MUC21: variants seen among roughly 807,000 people sequenced by gnomAD.
MUC21 encodes mucin-21.
Under a neutral mutation model 9.1 loss-of-function variants are expected in MUC21, and 8 were observed. The observed-to-expected ratio is 0.88, with a 90% CI of 0.52 to 1.59. The LOEUF (loss-of-function observed/expected upper bound fraction) is 1.59. Ranked by LOEUF, MUC21 falls within the 40% of genes most tolerant of loss-of-function variation. The pLI, the probability that MUC21 is intolerant of heterozygous loss-of-function variation, is 0.00. For missense variants in MUC21, 478 were observed against 694.2 expected, an observed-to-expected ratio of 0.69 and a Z score of 3.50; for synonymous variants, 189 against 275.2, an observed-to-expected ratio of 0.69 and a Z score of 3.10.
In MUC21 at chr6:30,986,735, C is replaced by T. The variant is rs1762309411; in HGVS notation, c.560C>T (p.Thr187Ile). The part of the protein sequence containing the change: ...ASTATNSESS[T>I]VSSRASTATN... ...ACAGCCACCAACTCTGAGTCCAGCA[C>T]AGTGTCCAGTAGGGCCAGCACTGCC... The change falls in exon 2 of 3, where the codon ACA (threonine) becomes ATA (isoleucine). Residue 187 changes from threonine (T) to isoleucine (I), a missense_variant. Thr to Ile is a moderately conservative substitution (Grantham distance 89). Transcript: ENST00000376296. The T allele has an allele frequency of 6.3e-7, 1 of 1,578,000 alleles. No individual in the cohort carries two copies. Among genetic ancestry groups the T allele is most frequent in the Non-Finnish European group, 8.6e-7 (1 of 1,158,492 alleles).
At chr6:30,985,021 A>AAATAC (rs1762191021) in intron 1 of MUC21, among the ~76,000 whole-genome samples, 1 of 151,644 alleles carries the variant, frequency 6.6e-6, no homozygotes, top group South Asian at 2.1e-4. Context: ...AAATAAAATA[A>AAATAC]AATAAAATAA....
intron 1 of MUC21, among the ~76,000 whole-genome samples, chr6:30,984,428 T>C (rs2248481): frequency 0.15 from 22,545 of 152,060 alleles, 1,759 homozygotes; most frequent in Admixed American, 0.2. Flanking sequence ...CCCAGCACTT[T>C]GGGAGGGTGA....
Position 30,987,539 on chromosome 6 carries a change from T to C in MUC21, c.1364T>C (p.Met455Thr), listed in dbSNP as rs372314907. ...TCTGGAACAGCAGCTCTGACTGGAA[T>C]GCACACAACTTCCCATAGTGCATCT... ...AGSGTAALTG[M>T]HTTSHSASTA... The change falls in exon 2 of 3, where the codon ATG becomes ACG. Residue 455 changes from methionine to threonine, a missense_variant. By Grantham distance (81) the Met-to-Thr change is moderately conservative. Transcript: ENST00000376296. The C allele has an allele frequency of 3.7e-6, 6 of 1,614,134 alleles. No individual in the cohort carries two copies. In the African/African-American group the frequency reaches 6.7e-5, roughly 18 times the overall value.
rs775056260 is a variant in MUC21 at position 30,988,113 on chromosome 6, C to T, written c.1620C>T (p.Pro540=). Reference sequence around the variant, plus strand: ...GGAATCATGGAGCCCCCCACAGGCCCAGGTGGAGTCCTAACTGGTTCTGGA... The same window carrying T: ...GGAATCATGGAGCCCCCCACAGGCCTAGGTGGAGTCCTAACTGGTTCTGGA... ...PGGNHGAPHR[P]RWSPNWFWRR... is the part of the protein sequence containing the mutation. Residue 540 remains proline, a synonymous_variant, in exon 3 of 3, where the codon CCC becomes CCT. Coordinates refer to ENST00000376296, the MANE Select transcript of MUC21 (RefSeq NM_001010909.5). The T allele has an allele frequency of 6.2e-7, 1 of 1,613,000 alleles. No individual in the cohort carries two copies. The highest frequency in any genetic ancestry group is 1.1e-5 in the South Asian group (1 of 91,076).
Position 30,987,170 on chromosome 6 carries a change from A to T in MUC21, c.995A>T (p.Asn332Ile). The T allele has an allele frequency of 6.3e-7, 1 of 1,599,708 alleles. No homozygotes were observed. Among genetic ancestry groups the T allele is most frequent in the South Asian group, 1.1e-5 (1 of 90,494 alleles). The part of the protein sequence containing the change: ...TTSSGASTAT[N>I]SESSTTSSGA... The stretch of plus-strand genomic sequence containing the variant: ...TCCAGTGGGGCCAGCACAGCCACCA[A>T]CTCTGAGTCCAGCACGACCTCCAGT... The change falls in exon 2 of 3, where the codon AAC (asparagine) becomes ATC (isoleucine). Residue 332 changes from asparagine to isoleucine, a missense_variant. Physicochemically the swap from Asn to Ile is moderately radical, Grantham distance 149. This residue lies in a region of MUC21 where 155 missense variants were observed against 235.2 expected (regional missense o/e 0.66). Transcript: ENST00000376296.
rs954739518 is a variant in MUC21 at position 30,989,863 on chromosome 6, T to C, written c.*1669T>C. 5 of 152,244 alleles carry C rather than the reference T, an allele frequency of 3.3e-5. No homozygotes were observed. Among genetic ancestry groups the C allele is most frequent in the African/African-American group, 9.6e-5 (4 of 41,460 alleles). 9.4% of individuals were successfully genotyped at this position (152,244 alleles called of 1,614,324 possible). A position where few individuals can be genotyped will look rare whatever the true frequency, so the allele number is the denominator to read the frequency against. On this transcript the variant is annotated 3_prime_UTR_variant, in exon 3 of 3. Coordinates refer to ENST00000376296, the MANE Select transcript of MUC21 (RefSeq NM_001010909.5). ...ATCTTGTGGCCACCTCAGACATCAC[T>C]TCTCTTTGGAAGACTCCATTAAATA...
rs370927564 is a variant in MUC21 at position 30,986,271 on chromosome 6, C to T, written c.96C>T (p.Asn32=). The change falls in exon 2 of 3, where the codon AAC becomes AAT. Residue 32 remains asparagine (N), a synonymous_variant. Transcript: ENST00000376296. ...TNSNETSTSA[N]TGSSVISSGA... ...CCAATGAGACTAGCACCTCTGCCAA[C>T]ACTGGATCCAGTGTGATCTCCAGTG... 1.3e-4 allele frequency: 212 copies of T among 1,614,038 alleles called. No homozygotes were observed. The highest frequency in any genetic ancestry group is 3.3e-4 in the Middle Eastern group (2 of 6,062).
chr6:30,985,955 G>C (rs1401665564), intron 1 of MUC21, among the ~76,000 whole-genome samples: 1 of 152,026 alleles, frequency 6.6e-6, no homozygotes, highest in African/African-American at 2.4e-5. Flanking sequence ...AGTAGAGATG[G>C]GGTTTCTCCA....
In MUC21 at chr6:30,989,472, C is replaced by G. The variant is rs1299346111; in HGVS notation, c.*1278C>G. The G allele has an allele frequency of 2.0e-5, 3 of 152,124 alleles. No individual in the cohort carries two copies. Among genetic ancestry groups the G allele is most frequent in the East Asian group, 3.9e-4 (2 of 5,190 alleles). The allele number at this position is 152,124 out of a possible 1,614,324, so 9.4% of individuals were successfully genotyped here. ...GACTACAGTTTCGTGTGCCACCATG[C>G]CTGGCTAATTTTTAGAATTTTTTGT... On this transcript the variant is annotated 3_prime_UTR_variant, in exon 3 of 3. Transcript: ENST00000376296.
chr6:30,983,983 C>T lies in MUC21; in HGVS notation c.25C>T (p.Leu9Phe), dbSNP rs1762146908. The change falls in exon 1 of 3, where the codon CTC becomes TTC. Residue 9 changes from leucine (L) to phenylalanine (F), a missense_variant. By Grantham distance (22) the Leu-to-Phe change is conservative. Around this residue, in one of 5 missense-constraint regions of MUC21, gnomAD observed 110 missense variants for 108.3 expected, o/e 1.02. Coordinates refer to ENST00000376296, the MANE Select transcript of MUC21 (RefSeq NM_001010909.5). ...GATGAAGATGCAGAAAGGAAATGTT[C>T]TCCTTATGTTTGGTCTACTATTGCA... MKMQKGNV[L>F]LMFGLLLHLE... is the part of the protein sequence containing the mutation. 5.1e-6 allele frequency: 4 copies of T among 779,868 alleles called. No homozygotes were observed. The highest frequency in any genetic ancestry group is 9.6e-6 in the Non-Finnish European group (4 of 418,090). 48.3% of individuals were successfully genotyped at this position (779,868 alleles called of 1,614,324 possible).
At chr6:30,984,669 C>T (rs1470544560) in intron 1 of MUC21, among the ~76,000 whole-genome samples, 2 of 151,320 alleles carry the variant, frequency 1.3e-5, no homozygotes, top group African/African-American at 4.9e-5. Context: ...GACTCTGTCT[C>T]AAAAAAATAA....
chr6:30,988,253 C>G lies in MUC21; in HGVS notation c.*59C>G. 1.3e-6 allele frequency: 2 copies of G among 1,495,886 alleles called. No homozygotes were observed. Among genetic ancestry groups the G allele is most frequent in the Non-Finnish European group, 1.8e-6 (2 of 1,117,098 alleles). The allele number at this position is 1,495,886 out of a possible 1,614,324, so 92.7% of individuals were successfully genotyped here. A position where few individuals can be genotyped will look rare whatever the true frequency, so the allele number is the denominator to read the frequency against. ...AAGGAAGAGACCTGGGCACCCAAGA[C>G]CTGGTTTCCTTTCATTCATCCCAGG... On this transcript the variant is annotated 3_prime_UTR_variant, in exon 3 of 3. Transcript: ENST00000376296.
chr6:30,987,727 G>T, intron 2 of MUC21, 46 bp downstream of exon 2: 2 of 1,589,794 alleles, frequency 1.3e-6, no homozygotes, highest in African/African-American at 1.3e-5. Flanking sequence ...AGGAGCAGCA[G>T]AAACACAAGG....
In MUC21 at chr6:30,988,131, G is replaced by A; in HGVS notation, c.1638G>A (p.Trp546Ter). 1 of 1,613,018 alleles carries A rather than the reference G, an allele frequency of 6.2e-7. No homozygotes were observed. The highest frequency in any genetic ancestry group is 8.5e-7 in the Non-Finnish European group (1 of 1,180,034). ...APHRPRWSPN[W>*]FWRRPVSSIA... Reference sequence around the variant, plus strand: ...ACAGGCCCAGGTGGAGTCCTAACTGGTTCTGGAGGAGACCAGTATCCTCGA... The same window carrying A: ...ACAGGCCCAGGTGGAGTCCTAACTGATTCTGGAGGAGACCAGTATCCTCGA... Residue 546 changes from tryptophan (W) to a stop codon, truncating the protein, a stop_gained, in exon 3 of 3, where the codon TGG (tryptophan) becomes TGA (stop). Transcript: ENST00000376296. LOFTEE classifies it low-confidence loss of function (END_TRUNC).
chr6:30,987,688 G>A lies in MUC21; in HGVS notation c.1506+7G>A, dbSNP rs758871468. ...TGGGCTCTTCTTCTGTGTGGTGAGT[G>A]CCTAATATGTAAGAAAATGCCTGGG... is the stretch of plus-strand genomic sequence containing the variant. On this transcript the variant is annotated splice_region_variant and intron_variant, in intron 2 of 2. Transcript: ENST00000376296. The A allele has an allele frequency of 3.7e-6, 6 of 1,609,526 alleles. No individual in the cohort carries two copies. Among genetic ancestry groups the A allele is most frequent in the Non-Finnish European group, 2.5e-6 (3 of 1,178,376 alleles).
chr6:30,988,177 A>G lies in MUC21; in HGVS notation c.1684A>G (p.Arg562Gly). 6.2e-7 allele frequency: 1 copy of G among 1,612,022 alleles called. No individual in the cohort carries two copies. Among genetic ancestry groups the G allele is most frequent in the Non-Finnish European group, 8.5e-7 (1 of 1,179,812 alleles). ...VSSIAMEMSG[R>G]NSGP Reference sequence around the variant, plus strand: ...CTCGATAGCCATGGAGATGAGCGGGAGGAACAGCGGGCCCTGAGCAGCCCC... The same window carrying G: ...CTCGATAGCCATGGAGATGAGCGGGGGGAACAGCGGGCCCTGAGCAGCCCC... Residue 562 changes from arginine (R) to glycine (G), a missense_variant, in exon 3 of 3, where the codon AGG becomes GGG. Coordinates refer to ENST00000376296, the MANE Select transcript of MUC21 (RefSeq NM_001010909.5).
Position 30,988,158 on chromosome 6 carries a change from A to G in MUC21, c.1665A>G (p.Ile555Met), listed in dbSNP as rs750513943. The G allele has an allele frequency of 1.2e-6, 2 of 1,612,760 alleles. No homozygotes were observed. Among genetic ancestry groups the G allele is most frequent in the South Asian group, 1.1e-5 (1 of 91,066 alleles). ...TCTGGAGGAGACCAGTATCCTCGAT[A>G]GCCATGGAGATGAGCGGGAGGAACA... is the stretch of plus-strand genomic sequence containing the variant. ...NWFWRRPVSS[I>M]AMEMSGRNSG... Residue 555 changes from isoleucine (I) to methionine (M), a missense_variant, in exon 3 of 3, where the codon ATA (isoleucine) becomes ATG (methionine). By Grantham distance (10) the Ile-to-Met change is conservative (BLOSUM62 1). Coordinates refer to ENST00000376296, the MANE Select transcript of MUC21 (RefSeq NM_001010909.5).
intron 2 of MUC21, 112 bp downstream of exon 2, chr6:30,987,793 A>C (rs2150693733): frequency 1.3e-6 from 2 of 1,489,904 alleles, no homozygotes; most frequent in Admixed American, 4.7e-5. Context: ...AGGAAGGGAG[A>C]TCAGGAAAGA....
rs1174153169 is a variant in MUC21 at position 30,988,014 on chromosome 6, C to A, written c.1521C>A (p.Ser507=). The A allele has an allele frequency of 8.2e-7, 1 of 1,220,858 alleles. No individual in the cohort carries two copies. The highest frequency in any genetic ancestry group is 1.2e-5 in the South Asian group (1 of 83,244). 75.6% of individuals were successfully genotyped at this position (1,220,858 alleles called of 1,614,324 possible). A position where few individuals can be genotyped will look rare whatever the true frequency, so the allele number is the denominator to read the frequency against. Residue 507 remains serine (S), a synonymous_variant, in exon 3 of 3, where the codon TCC becomes TCA. Coordinates refer to ENST00000376296, the MANE Select transcript of MUC21 (RefSeq NM_001010909.5). ...TCTTTTTTTAGAGAAACAGCCTGTCCCTGAGAAACACCTTTAACACAGCTG... is the reference window on the plus strand; with the variant it reads ...TCTTTTTTTAGAGAAACAGCCTGTCACTGAGAAACACCTTTAACACAGCTG... ...GLFFCVRNSL[S]LRNTFNTAVY... is the part of the protein sequence containing the mutation.
Sources: gnomAD v4.1 joint callset for allele counts (sites outside exome capture counted in the v4.1 genomes callset) on GRCh38, gnomAD v4.1.1 for gene constraint, gnomAD v4.1.1 regional missense constraint, MANE v1.5 for transcripts, NCBI Gene and HGNC (gene_info 2026-07-23, HGNC 2026-07-21) for gene names.